The following ZNF585B variants were observed in gnomAD, a reference collection of about 807,000 sequenced individuals.
ZNF585B encodes zinc finger protein 585B, also known as zinc finger protein 41-like protein.
A neutral mutation model predicts 14.0 loss-of-function variants in ZNF585B; 7 were observed. The ratio of observed to expected loss-of-function variants is 0.50; its 90% CI spans 0.28 to 0.94. The LOEUF (loss-of-function observed/expected upper bound fraction) is 0.94, where lower values mean the gene tolerates loss of function less well. Among genes scored for constraint, ZNF585B ranks in the 40% least tolerant of loss-of-function variants. The pLI is 0.09. For synonymous variants in ZNF585B, 290 were observed against 317.3 expected, an observed-to-expected ratio of 0.91 and a Z score of 0.91; for missense variants, 750 against 924.4, an observed-to-expected ratio of 0.81 and a Z score of 2.45.
Position 37,181,859 on chromosome 19 carries a change from G to GCTTT in ZNF585B, c.*3367_*3368insAAAG, listed in dbSNP as rs906128344. On this transcript the variant is annotated 3_prime_UTR_variant, in exon 5 of 5. Transcript: ENST00000532828. ...AATAGCCAGGAGTTTAGAGGAGTAG[G>GCTTT]CGAAACACAGAGGATTATTGGGACA... is the stretch of plus-strand genomic sequence containing the variant. 4 of 152,178 alleles carry GCTTT rather than the reference G, an allele frequency of 2.6e-5. No homozygotes were observed. The highest frequency in any genetic ancestry group is 5.9e-5 in the Non-Finnish European group (4 of 68,040). 9.4% of individuals were successfully genotyped at this position (152,178 alleles called of 1,614,324 possible). A position where few individuals can be genotyped will look rare whatever the true frequency, so the allele number is the denominator to read the frequency against.
intron 2 of ZNF585B, among the ~76,000 whole-genome samples, chr19:37,204,658 T>G (rs1409138992): frequency 6.6e-6 from 1 of 152,172 alleles, no homozygotes; most frequent in Non-Finnish European, 1.5e-5. Context: ...AGGTGTAATC[T>G]CGAACTCTTA....
At chr19:37,203,927 C>A (rs1207483907) in intron 2 of ZNF585B, among the ~76,000 whole-genome samples, 1 of 152,224 alleles carries the variant, frequency 6.6e-6, no homozygotes, top group Non-Finnish European at 1.5e-5. Context: ...CGCACCCAGC[C>A]TTCAAGAGCC....
chr19:37,187,950 T>C (rs1412132630), intron 4 of ZNF585B, among the ~76,000 whole-genome samples: 1 of 152,108 alleles, frequency 6.6e-6, no homozygotes, highest in Non-Finnish European at 1.5e-5. Flanking sequence ...AAACTAATGA[T>C]CCATGCCCCT....
chr19:37,195,323 G>A (rs1463126754), intron 2 of ZNF585B, among the ~76,000 whole-genome samples: 1 of 113,626 alleles, frequency 8.8e-6, no homozygotes, highest in Non-Finnish European at 1.7e-5. Flanking sequence ...TCCAGCCTAG[G>A]CAACAGAGCG....
At chr19:37,188,903 AAT>A (rs1416840631) in intron 4 of ZNF585B, among the ~76,000 whole-genome samples, 4 of 152,108 alleles carry the variant, frequency 2.6e-5, no homozygotes, top group African/African-American at 7.2e-5. Context: ...CTATAGCAAA[AAT>A]AGTTAGAGAG....
chr19:37,186,637 G>A lies in ZNF585B; in HGVS notation c.900C>T (p.Cys300=). Residue 300 remains cysteine, a synonymous_variant, in exon 5 of 5, where the codon TGC becomes TGT. Coordinates refer to ENST00000532828, the MANE Select transcript of ZNF585B (RefSeq NM_152279.4). ...RIHSGEKPYE[C]NNCGKSFISK... The stretch of plus-strand genomic sequence containing the variant: ...AAATGAAGGATTTGCCACAGTTATT[G>A]CATTCATATGGTTTTTCTCCACTAT... 1 of 1,614,192 alleles carries A rather than the reference G, an allele frequency of 6.2e-7. No individual in the cohort carries two copies. The highest frequency in any genetic ancestry group is 1.1e-5 in the South Asian group (1 of 91,088).
intron 4 of ZNF585B, chr19:37,189,438 T>C (rs999463809): frequency 8.0e-5 from 43 of 537,972 alleles, no homozygotes; most frequent in Non-Finnish European, 1.2e-4. Context: ...TAAAGATTTA[T>C]CTTTAATGAG....
intron 2 of ZNF585B, among the ~76,000 whole-genome samples, chr19:37,199,706 C>A (rs930105402): frequency 1.3e-5 from 2 of 152,076 alleles, no homozygotes; most frequent in African/African-American, 2.4e-5. Context: ...ACAGAAAAAA[C>A]ATCCACCATG....
In ZNF585B at chr19:37,183,352, G is replaced by A. The variant is rs1352362591; in HGVS notation, c.*1875C>T. 1 of 152,198 alleles carries A rather than the reference G, an allele frequency of 6.6e-6. No individual in the cohort carries two copies. Among genetic ancestry groups the A allele is most frequent in the African/African-American group, 2.4e-5 (1 of 41,412 alleles). The allele number at this position is 152,198 out of a possible 1,614,324, so 9.4% of individuals were successfully genotyped here. A position where few individuals can be genotyped will look rare whatever the true frequency, so the allele number is the denominator to read the frequency against. On this transcript the variant is annotated 3_prime_UTR_variant, in exon 5 of 5. Transcript: ENST00000532828. ...CAACACAGAAAAAAATCAGACAGAA[G>A]TCACGCAACAAGCATGGGTCAACTC... is the stretch of plus-strand genomic sequence containing the variant.
chr19:37,198,892 G>T, intron 2 of ZNF585B: 3 of 1,135,978 alleles, frequency 2.6e-6, no homozygotes, highest in South Asian at 1.6e-5. Context: ...AAGTACTAAA[G>T]ATATTTATAA....
chr19:37,206,202 A>G (rs1055660031), intron 2 of ZNF585B, among the ~76,000 whole-genome samples: 1 of 152,148 alleles, frequency 6.6e-6, no homozygotes, highest in Non-Finnish European at 1.5e-5. Context: ...CTGTAATCCC[A>G]GCACTTTGGG....
At position 37,185,236 on chromosome 19, in the gene ZNF585B, G is replaced by C; in HGVS notation, c.2301C>G (p.Ser767Arg). The C allele has an allele frequency of 6.2e-7, 1 of 1,612,048 alleles. No individual in the cohort carries two copies. The highest frequency in any genetic ancestry group is 1.3e-5 in the African/African-American group (1 of 75,018). ...TCTCACACTGTTTCTCTCAAGCGTG[G>C]CTGCTCTGATGAACACTGAACACTG... is the stretch of plus-strand genomic sequence containing the variant. ...QKSVFSVHQS[S>R]HA Residue 767 changes from serine to arginine, a missense_variant, in exon 5 of 5, where the codon AGC becomes AGG. Ser to Arg is a moderately radical substitution (Grantham distance 110). Transcript: ENST00000532828.
intron 2 of ZNF585B, among the ~76,000 whole-genome samples, chr19:37,198,204 T>A (rs1024081771): frequency 1.3e-5 from 2 of 152,070 alleles, no homozygotes; most frequent in Non-Finnish European, 2.9e-5. Context: ...GGACTTTTGC[T>A]CTTGTTGCCT....
rs1350121186 is a variant in ZNF585B, at chr19:37,184,480, G to GAAAGAAAGAAAGA, written c.*734_*746dup. The GAAAGAAAGAAAGA allele has an allele frequency of 1.7e-5, 2 of 116,248 alleles. No homozygotes were observed. The highest frequency in any genetic ancestry group is 3.6e-5 in the Non-Finnish European group (2 of 55,406). The allele number at this position is 116,248 out of a possible 1,614,324, so 7.2% of individuals were successfully genotyped here. Reference sequence around the variant, plus strand: ...AGAAAGAAAGAAAGAAAGAAAGAAAGAAAGAAAGAAAGAAAGAAAGAAAGA... The same window carrying GAAAGAAAGAAAGA: ...AGAAAGAAAGAAAGAAAGAAAGAAAGAAAGAAAGAAAGAAAAGAAAGAAAGAAAGAAAGAAAGA... On this transcript the variant is annotated 3_prime_UTR_variant, in exon 5 of 5. Coordinates refer to ENST00000532828, the MANE Select transcript of ZNF585B (RefSeq NM_152279.4).
chr19:37,207,161 G>A lies in ZNF585B; in HGVS notation c.-50C>T. ...TTGTCTAGGGTGCCTGAAGTTTAGT[G>A]GTCATCTGTGAACTCAGCAGAGCTG... On this transcript the variant is annotated 5_prime_UTR_variant, in exon 2 of 5. Coordinates refer to ENST00000532828, the MANE Select transcript of ZNF585B (RefSeq NM_152279.4). The A allele has an allele frequency of 6.2e-7, 1 of 1,611,930 alleles. No individual in the cohort carries two copies. The highest frequency in any genetic ancestry group is 8.5e-7 in the Non-Finnish European group (1 of 1,179,608).
At position 37,185,321 on chromosome 19, in the gene ZNF585B, G is replaced by A; in HGVS notation, c.2216C>T (p.Thr739Ile). 1 of 1,614,170 alleles carries A rather than the reference G, an allele frequency of 6.2e-7. No individual in the cohort carries two copies. The highest frequency in any genetic ancestry group is 8.5e-7 in the Non-Finnish European group (1 of 1,180,044). Residue 739 changes from threonine to isoleucine, a missense_variant, in exon 5 of 5, where the codon ACA becomes ATA. Coordinates refer to ENST00000532828, the MANE Select transcript of ZNF585B (RefSeq NM_152279.4). ...NRSNLNKHQT[T>I]HTGDKPYKCG... ...CTTGTAGGGTTTGTCTCCAGTGTGTGTTGTCTGATGTTTATTCAAATTGGA... is the reference window on the plus strand; with the variant it reads ...CTTGTAGGGTTTGTCTCCAGTGTGTATTGTCTGATGTTTATTCAAATTGGA...
chr19:37,205,925 C>T (rs928281307), intron 2 of ZNF585B, among the ~76,000 whole-genome samples: 6 of 151,568 alleles, frequency 4.0e-5, no homozygotes, highest in African/African-American at 1.5e-4. Context: ...ACTAAAAATA[C>T]AAAAATTAGC....
rs1211952739 is a variant in ZNF585B at position 37,186,190 on chromosome 19, G to A, written c.1347C>T (p.Ser449=). ...KCGHCGKLFT[S]KSQLHVHKRI... The stretch of plus-strand genomic sequence containing the variant: ...GTTTATGAACATGGAGTTGTGACTT[G>A]GAAGTAAACAATTTCCCACAGTGAC... The change falls in exon 5 of 5, where the codon TCC becomes TCT. Residue 449 remains serine (S), a synonymous_variant. Coordinates refer to ENST00000532828, the MANE Select transcript of ZNF585B (RefSeq NM_152279.4). 1.9e-6 allele frequency: 3 copies of A among 1,614,060 alleles called. No homozygotes were observed. Among genetic ancestry groups the A allele is most frequent in the Admixed American group, 3.3e-5 (2 of 60,016 alleles).
chr19:37,207,583 C>A (rs1438616883), intron 1 of ZNF585B, among the ~76,000 whole-genome samples: 1 of 152,104 alleles, frequency 6.6e-6, no homozygotes, highest in Non-Finnish European at 1.5e-5. Context: ...AACATTACTG[C>A]AGATTTGAAC....
Sources: allele counts gnomAD v4.1 joint callset (sites outside exome capture counted in the v4.1 genomes callset), GRCh38; gene constraint gnomAD v4.1.1; transcripts MANE v1.5; gene names NCBI Gene and HGNC (gene_info 2026-07-23, HGNC 2026-07-21).